Variants in COL5A3 observed in about 807,000 individuals in gnomAD.
COL5A3 encodes collagen alpha-3(V) chain.
Under a neutral mutation model 250.0 loss-of-function variants are expected in COL5A3, and 172 were observed. That is an observed-to-expected ratio of 0.69 (90% CI 0.61 to 0.78). The LOEUF is 0.78. COL5A3 is among the 30% of genes least tolerant of loss of function. COL5A3 has a pLI of 0.00. For synonymous variants in COL5A3, 937 were observed against 900.4 expected, an observed-to-expected ratio of 1.04 and a Z score of -0.73; for missense variants, 2,340 against 2,334.4, an observed-to-expected ratio of 1.00 and a Z score of -0.05.
chr19:9,986,900 A>T, intron 27 of COL5A3, 142 bp from the exon 28 acceptor site: 2 of 906,354 alleles, frequency 2.2e-6, no homozygotes, highest in Non-Finnish European at 3.4e-6. Context: ...AGAAGAAATG[A>T]TCTTTCCCCA....
chr19:9,985,607 C>T (rs192364712), intron 31 of COL5A3, among the ~76,000 whole-genome samples: 4 of 152,116 alleles, frequency 2.6e-5, no homozygotes, highest in South Asian at 2.1e-4. Flanking sequence ...CGTTTTGCCA[C>T]GTTGCCCAGT....
Position 9,970,970 on chromosome 19 carries a change from C to G in COL5A3, c.3882+5G>C, listed in dbSNP as rs760032598. On this transcript the variant is annotated splice_donor_5th_base_variant and intron_variant, in intron 53 of 66. Transcript: ENST00000264828. ...CAGCACCACACCCTCTGTTTTCCCA[C>G]TCACCGGTCCCCCAACATCACCAGG... 3 of 1,565,172 alleles carry G rather than the reference C, an allele frequency of 1.9e-6. No individual in the cohort carries two copies. Among genetic ancestry groups the G allele is most frequent in the Non-Finnish European group, 1.7e-6 (2 of 1,159,684 alleles).
In COL5A3 at chr19:9,970,602, G is replaced by A. The variant is rs780791792; in HGVS notation, c.3936+20C>T. On this transcript the variant is annotated intron_variant, in intron 54 of 66. Coordinates refer to ENST00000264828, the MANE Select transcript of COL5A3 (RefSeq NM_015719.4). Reference sequence around the variant, plus strand: ...GGGCTGTAGATAAGCTGAGGACCCAGGAGGTGGCTTATCACTTACCCTCTT... The same window carrying A: ...GGGCTGTAGATAAGCTGAGGACCCAAGAGGTGGCTTATCACTTACCCTCTT... The A allele has an allele frequency of 8.4e-6, 12 of 1,425,362 alleles. No individual in the cohort carries two copies. The highest frequency in any genetic ancestry group is 1.0e-5 in the Non-Finnish European group (11 of 1,087,286). 88.3% of individuals were successfully genotyped at this position (1,425,362 alleles called of 1,614,324 possible).
intron 8 of COL5A3, among the ~76,000 whole-genome samples, chr19:10,000,887 A>G (rs2145136859): frequency 6.6e-6 from 1 of 152,268 alleles, no homozygotes; most frequent in East Asian, 1.9e-4. Flanking sequence ...TGGGAGCTAA[A>G]TGAGAACACA....
At chr19:10,006,463 T>C (rs2087445856) in intron 1 of COL5A3, among the ~76,000 whole-genome samples, 4 of 152,084 alleles carry the variant, frequency 2.6e-5, no homozygotes, top group Admixed American at 1.3e-4. Flanking sequence ...GTTTTTTTTT[T>C]TCCCCTTGGT....
chr19:9,995,611 G>A lies in COL5A3; in HGVS notation c.1540C>T (p.Arg514Ter), dbSNP rs1229439408. The A allele has an allele frequency of 3.8e-6, 6 of 1,594,084 alleles. No homozygotes were observed. The highest frequency in any genetic ancestry group is 1.4e-5 in the African/African-American group (1 of 73,860). ...GGTCCATGAGGTCCCTGCAGGCCTCGGGGACCCTAGAAGAAAGCAAAAAGG... is the reference window on the plus strand; with the variant it reads ...GGTCCATGAGGTCCCTGCAGGCCTCAGGGACCCTAGAAGAAAGCAAAAAGG... ...EEGAEGPQGP[R>*]GLQGPHGPPG... The change falls in exon 16 of 67, where the codon CGA (arginine) becomes TGA (stop). Residue 514 changes from arginine to a stop codon, truncating the protein, a stop_gained. Coordinates refer to ENST00000264828, the MANE Select transcript of COL5A3 (RefSeq NM_015719.4). LOFTEE classifies it high-confidence loss of function.
Position 10,003,721 on chromosome 19 carries a change from G to C in COL5A3, c.700-7C>G. ...CTGGTTCACCCTGGGGAGCCTGGGAGAAGGGTTCCAGTCAGGTCTAGAGCA... is the reference window on the plus strand; with the variant it reads ...CTGGTTCACCCTGGGGAGCCTGGGACAAGGGTTCCAGTCAGGTCTAGAGCA... On this transcript the variant is annotated splice_region_variant and splice_polypyrimidine_tract_variant and intron_variant, in intron 5 of 66. Transcript: ENST00000264828. 1.2e-6 allele frequency: 2 copies of C among 1,613,976 alleles called. No homozygotes were observed. Among genetic ancestry groups the C allele is most frequent in the Non-Finnish European group, 1.7e-6 (2 of 1,180,024 alleles).
chr19:9,996,365 C>T lies in COL5A3; in HGVS notation c.1422+68G>A. 3.8e-6 allele frequency: 6 copies of T among 1,579,134 alleles called. 1 individual carries two copies. In the South Asian group the frequency reaches 6.8e-5, roughly 18 times the overall value. ...AAAATAACCCCCTTCTCCTGCCCAG[C>T]CCCTCCTTACGCCGAGGCTCTATCA... On this transcript the variant is annotated intron_variant, in intron 13 of 66. Transcript: ENST00000264828.
rs114165478 is a variant in COL5A3 at position 9,960,528 on chromosome 19, G to C, written c.5121C>G (p.Phe1707Leu). ...ATCCCGCTCGAGAAGAGCTGAATTC[G>C]AAAAGGGTCTTCGTCTGTCCTTTCC... ...RLRKGQTKTL[F>L]EFSSSRAGFL... Residue 1707 changes from phenylalanine to leucine, a missense_variant, in exon 67 of 67, where the codon TTC (phenylalanine) becomes TTG (leucine). By Grantham distance (22) the Phe-to-Leu change is conservative. This residue lies in a region of COL5A3 where 1,179 missense variants were observed against 1,162.6 expected (regional missense o/e 1.01). Coordinates refer to ENST00000264828, the MANE Select transcript of COL5A3 (RefSeq NM_015719.4). The C allele has an allele frequency of 5.6e-6, 9 of 1,614,158 alleles. No homozygotes were observed. In the East Asian group the frequency reaches 1.1e-4, roughly 20 times the overall value.
intron 27 of COL5A3, 21 bp from the exon 28 acceptor site, chr19:9,986,779 G>A (rs200727820): frequency 1.3e-6 from 2 of 1,488,620 alleles, no homozygotes; most frequent in African/African-American, 3.2e-5. Context: ...AAAAAAAAAA[G>A]CTCTCAAGCC....
At chr19:9,997,838 T>A (rs2087294676) in intron 10 of COL5A3, 146 bp downstream of exon 10, 3 of 757,816 alleles carry the variant, frequency 4.0e-6, no homozygotes, top group Non-Finnish European at 6.7e-6. Context: ...TCATCCTCCC[T>A]ATTTTGACTC....
intron 12 of COL5A3, 37 bp from the exon 13 acceptor site, chr19:9,996,553 G>C (rs761824958): frequency 1.2e-6 from 2 of 1,613,522 alleles, no homozygotes; most frequent in East Asian, 2.2e-5. Flanking sequence ...GCCCCCAGGA[G>C]AGGCCCCCTC....
chr19:10,007,755 T>A (rs767876472), intron 1 of COL5A3, among the ~76,000 whole-genome samples: 2 of 152,098 alleles, frequency 1.3e-5, no homozygotes, highest in Non-Finnish European at 2.9e-5. Context: ...CCATTCCCAC[T>A]CTTCCTAGGT....
intron 8 of COL5A3, among the ~76,000 whole-genome samples, chr19:9,999,469 C>CTTTTTTTTTTTTTTTTTTTTTTTTT (rs530527039): frequency 1.7e-5 from 2 of 120,400 alleles, no homozygotes; most frequent in African/African-American, 6.8e-5. Context: ...TTTCTTTTTT[C>CTTTTTTTTTTTTTTTTTTTTTTTTT]TTTTTTTTTT....
In COL5A3 at chr19:10,009,497, G is replaced by T. The variant is rs1342906466; in HGVS notation, c.88+801C>A. Reference sequence around the variant, plus strand: ...GCTCCAGCAGCTGGGGTGGGGAGGGGGGGAGCAACTTCCACTCCTGCCCCG... The same window carrying T: ...GCTCCAGCAGCTGGGGTGGGGAGGGTGGGAGCAACTTCCACTCCTGCCCCG... On this transcript the variant is annotated intron_variant, in intron 1 of 66. Transcript: ENST00000264828. This position sits in a 1 kb window ranked among gnomAD's most constrained non-coding sequence, Gnocchi z 4.4. Among the ~76,000 whole-genome samples the T allele has an allele frequency of 1.3e-5, 2 of 151,986 alleles. No individual in the cohort carries two copies. Among genetic ancestry groups the T allele is most frequent in the Non-Finnish European group, 2.9e-5 (2 of 67,972 alleles).
chr19:9,996,376 G>T, intron 13 of COL5A3, 57 bp downstream of exon 13: 1 of 1,589,504 alleles, frequency 6.3e-7, no homozygotes, highest in South Asian at 1.1e-5. Context: ...CCCTCCTTAC[G>T]CCGAGGCTCT....
intron 61 of COL5A3, 67 bp from the exon 62 acceptor site, chr19:9,967,467 A>G: frequency 1.9e-6 from 2 of 1,060,104 alleles, no homozygotes; most frequent in Non-Finnish European, 2.7e-6. Flanking sequence ...ACATACACAC[A>G]AACACACACA....
intron 64 of COL5A3, among the ~76,000 whole-genome samples, chr19:9,965,969 G>C (rs1302029657): frequency 6.6e-6 from 1 of 151,816 alleles, no homozygotes; most frequent in South Asian, 2.1e-4. Flanking sequence ...GAGTAGCTGG[G>C]ACTACAGGCT....
At position 9,960,873 on chromosome 19, in the gene COL5A3, G is replaced by A. The variant is rs535638798; in HGVS notation, c.4869C>T (p.Ala1623=). ...GCACGACATTCACTGGGGACCCGTC[G>A]GCGTCCACGTAGGAGAACTGGTGAG... The part of the protein sequence containing the change: ...RRGKKFSYVD[A]DGSPVNVVQL... The change falls in exon 66 of 67, where the codon GCC becomes GCT. Residue 1623 remains alanine (A), a synonymous_variant. Transcript: ENST00000264828. The A allele has an allele frequency of 1.9e-5, 31 of 1,606,550 alleles. No individual in the cohort carries two copies. Among genetic ancestry groups the A allele is most frequent in the African/African-American group, 8.0e-5 (6 of 74,866 alleles).
Sources: allele counts gnomAD v4.1 joint callset (sites outside exome capture counted in the v4.1 genomes callset), GRCh38; gene constraint gnomAD v4.1.1; regional missense constraint gnomAD v4.1.1; non-coding constraint Gnocchi (gnomAD v3.1); transcripts MANE v1.5; gene names NCBI Gene and HGNC (gene_info 2026-07-23, HGNC 2026-07-21).